The following GAS7 variants were observed in gnomAD, a reference collection of about 807,000 sequenced individuals.
GAS7 encodes growth arrest specific 7.
A neutral mutation model predicts 71.1 loss-of-function variants in GAS7; 28 were observed. That is an observed-to-expected ratio of 0.39 (90% confidence interval 0.29 to 0.54). GAS7 has a LOEUF of 0.54. Ranked by LOEUF, GAS7 falls within the 20% of genes least tolerant of loss-of-function variation. The pLI, the probability that GAS7 is intolerant of heterozygous loss-of-function variation, is 0.62. For missense variants in GAS7, 436 were observed against 627.8 expected (o/e 0.69, Z 3.27); for synonymous variants, 258 against 245.8 (o/e 1.05, Z -0.46).
chr17:10,028,096 G>A (rs1414234990), intron 1 of GAS7, among the ~76,000 whole-genome samples: 1 of 152,164 alleles, frequency 6.6e-6, no homozygotes, highest in African/African-American at 2.4e-5. Context: ...GTAGAGACGG[G>A]GTTTCACCGC....
intron 1 of GAS7, among the ~76,000 whole-genome samples, chr17:10,089,968 G>A (rs1567587160): frequency 6.6e-6 from 1 of 152,124 alleles, no homozygotes; most frequent in East Asian, 1.9e-4. Context: ...GGGAGTTCGA[G>A]ACCAGCCCGG....
In GAS7 at chr17:9,943,255, C is replaced by A; in HGVS notation, c.616-19G>T. 7.0e-7 allele frequency: 1 copy of A among 1,436,182 alleles called. No individual in the cohort carries two copies. Among genetic ancestry groups the A allele is most frequent in the South Asian group, 1.1e-5 (1 of 87,636 alleles). The allele number at this position is 1,436,182 out of a possible 1,614,324, so 89.0% of individuals were successfully genotyped here. On this transcript the variant is annotated intron_variant, in intron 6 of 13. Coordinates refer to ENST00000432992, the MANE Select transcript of GAS7 (RefSeq NM_201433.2). ...TATCAGCCTACAAAGGAAGCAGAAGCACAAGAGTTTAGGGCACGTCTGAGT... is the reference window on the plus strand; with the variant it reads ...TATCAGCCTACAAAGGAAGCAGAAGAACAAGAGTTTAGGGCACGTCTGAGT...
chr17:10,116,309 T>TG (rs2073860801), intron 1 of GAS7, among the ~76,000 whole-genome samples: 1 of 91,370 alleles, frequency 1.1e-5, no homozygotes, highest in Non-Finnish European at 2.3e-5. Flanking sequence ...GTGAGACTCT[T>TG]GCCTCAAAAA....
At position 9,910,740 on chromosome 17, in the gene GAS7, G is replaced by T; in HGVS notation, c.*6488C>A. On this transcript the variant is annotated 3_prime_UTR_variant, in exon 14 of 14. Transcript: ENST00000432992. ...ATGCGGTAACAGGGGTCAGGGGGGT[G>T]GTGCGGGGGCAGGTGGGTTACAGCC... is the stretch of plus-strand genomic sequence containing the variant. 1 of 222,566 alleles carries T rather than the reference G, an allele frequency of 4.5e-6. No homozygotes were observed. Among genetic ancestry groups the T allele is most frequent in the South Asian group, 1.8e-4 (1 of 5,436 alleles). 13.8% of individuals were successfully genotyped at this position (222,566 alleles called of 1,614,324 possible). A position where few individuals can be genotyped will look rare whatever the true frequency, so the allele number is the denominator to read the frequency against.
chr17:9,948,883 T>C (rs2068893479), intron 5 of GAS7, among the ~76,000 whole-genome samples: 1 of 152,200 alleles, frequency 6.6e-6, no homozygotes, highest in African/African-American at 2.4e-5. Flanking sequence ...GCTTCCTCTG[T>C]GGGAGCAAGG....
chr17:10,085,668 G>A (rs1225517064), intron 1 of GAS7, among the ~76,000 whole-genome samples: 1 of 143,236 alleles, frequency 7.0e-6, no homozygotes, highest in Non-Finnish European at 1.5e-5. Context: ...CTCCAGCCTG[G>A]GCGACAGAGC....
intron 1 of GAS7, among the ~76,000 whole-genome samples, chr17:10,095,512 T>C (rs957631762): frequency 3.3e-5 from 5 of 152,138 alleles, no homozygotes; most frequent in Admixed American, 6.5e-5. Flanking sequence ...AAGGTCCAGT[T>C]TGATGACAAA....
At chr17:10,019,410 C>T (rs935322076) in intron 2 of GAS7, among the ~76,000 whole-genome samples, 7 of 152,086 alleles carry the variant, frequency 4.6e-5, no homozygotes, top group Non-Finnish European at 1.0e-4. Flanking sequence ...AGTGACTTTG[C>T]CTCGTTCATT....
At chr17:9,954,857 G>A (rs112123585) in intron 5 of GAS7, among the ~76,000 whole-genome samples, 3,834 of 148,170 alleles carry the variant, frequency 0.026, 156 homozygotes, top group African/African-American at 0.096. Flanking sequence ...TCCATCCATT[G>A]GGATGGAAGA....
In GAS7 at chr17:10,063,766, A is replaced by G. The variant is rs529341161; in HGVS notation, c.184-43869T>C. 9.2e-5 allele frequency among the ~76,000 whole-genome samples: 14 copies of G among 152,170 alleles called. No homozygotes were observed. In the East Asian group the frequency reaches 2.3e-3, roughly 25 times the overall value. On this transcript the variant is annotated intron_variant, in intron 1 of 13. Coordinates refer to ENST00000432992, the MANE Select transcript of GAS7 (RefSeq NM_201433.2). ...ACCTGTTCACCACGGCAGCTTCCTG[A>G]CCACCGTCTAGTATGGCTCCACCCT...
At chr17:9,934,796 C>T (rs779262987) in intron 8 of GAS7, among the ~76,000 whole-genome samples, 14 of 152,344 alleles carry the variant, frequency 9.2e-5, no homozygotes, top group Admixed American at 3.3e-4. Context: ...AGTACAATGG[C>T]GCGATCTTGG....
rs1845441839 is a variant in GAS7, at chr17:9,915,795, C to G, written c.*1433G>C. 1 of 231,422 alleles carries G rather than the reference C, an allele frequency of 4.3e-6. No homozygotes were observed. The highest frequency in any genetic ancestry group is 2.2e-5 in the African/African-American group (1 of 45,254). 14.3% of individuals were successfully genotyped at this position (231,422 alleles called of 1,614,324 possible). ...CAGGGCATGGGCTCCCGACTAGAAT[C>G]TGCCCCTCGCTCATGCTTCTCCCGG... On this transcript the variant is annotated 3_prime_UTR_variant, in exon 14 of 14. Transcript: ENST00000432992.
At position 10,008,787 on chromosome 17, in the gene GAS7, A is replaced by T. The variant is rs201425480; in HGVS notation, c.304+10990T>A. Among the ~76,000 whole-genome samples, 514 of 151,462 alleles carry T rather than the reference A, an allele frequency of 3.4e-3. 4 individuals carry two copies. Among genetic ancestry groups the T allele is most frequent in the African/African-American group, 0.012 (476 of 41,308 alleles). On this transcript the variant is annotated intron_variant, in intron 2 of 13. Coordinates refer to ENST00000432992, the MANE Select transcript of GAS7 (RefSeq NM_201433.2). ...CTGGCGCTCTCTCTCTCTCTCTCTC[A>T]CACACACACGCACACACGCACACGC...
chr17:10,034,315 C>CTT lies in GAS7; in HGVS notation c.184-14420_184-14419dup, dbSNP rs35276082. On this transcript the variant is annotated intron_variant, in intron 1 of 13. Transcript: ENST00000432992. This position sits in a 1 kb window ranked among gnomAD's most constrained non-coding sequence, Gnocchi z 4.4. ...ATATATAGCCTAATACTTAATAATT[C>CTT]TTTTTTTTTTTTTTAGACAGTCTTG... is the stretch of plus-strand genomic sequence containing the variant. The CTT allele has an allele frequency of 0.012, 5,841 of 486,778 alleles. 4 individuals carry two copies. Among genetic ancestry groups the CTT allele is most frequent in the African/African-American group, 0.017 (760 of 45,530 alleles). The allele number at this position is 486,778 out of a possible 1,614,324, so 30.2% of individuals were successfully genotyped here.
chr17:9,982,996 T>C (rs1597609581), intron 2 of GAS7, among the ~76,000 whole-genome samples: 1 of 152,192 alleles, frequency 6.6e-6, no homozygotes, highest in African/African-American at 2.4e-5. Flanking sequence ...ATAAAAATAA[T>C]ACTTTCTCAC....
intron 6 of GAS7, among the ~76,000 whole-genome samples, chr17:9,945,271 C>T (rs968697085): frequency 1.4e-4 from 21 of 152,112 alleles, no homozygotes; most frequent in African/African-American, 4.6e-4. Flanking sequence ...TCCACTCACC[C>T]GTCAACTTCC....
At chr17:9,973,415 A>G (rs12952081) in intron 3 of GAS7, among the ~76,000 whole-genome samples, 67,746 of 151,698 alleles carry the variant, frequency 0.45, 15,408 homozygotes, top group South Asian at 0.5. Flanking sequence ...CACCATGCCC[A>G]GCTAATTTGT....
intron 1 of GAS7, among the ~76,000 whole-genome samples, chr17:10,033,192 T>C (rs544459917): frequency 1.2e-4 from 18 of 152,176 alleles, no homozygotes; most frequent in Non-Finnish European, 2.6e-4. Context: ...GAAGGACATT[T>C]TGTAGATTGT....
intron 1 of GAS7, among the ~76,000 whole-genome samples, chr17:10,105,624 T>C (rs1224077681): frequency 6.6e-6 from 1 of 152,158 alleles, no homozygotes; most frequent in Non-Finnish European, 1.5e-5. Flanking sequence ...CTGCTTCTTG[T>C]CATCCAGACA....
Sources: gnomAD v4.1 joint callset for allele counts (sites outside exome capture counted in the v4.1 genomes callset) on GRCh38, gnomAD v4.1.1 for gene constraint, Gnocchi (gnomAD v3.1) non-coding constraint, MANE v1.5 for transcripts, NCBI Gene and HGNC (gene_info 2026-07-23, HGNC 2026-07-21) for gene names.